The following LYN variants were observed in gnomAD, a reference collection of about 807,000 sequenced individuals.
LYN encodes LYN proto-oncogene, Src family tyrosine kinase, also known as tyrosine-protein kinase Lyn.
A neutral mutation model predicts 65.0 loss-of-function variants in LYN; 12 were observed. The ratio of observed to expected loss-of-function variants is 0.18; its 90% CI spans 0.12 to 0.30. The LOEUF is 0.30. Ranked by LOEUF, LYN falls within the 10% of genes least tolerant of loss-of-function variation. The pLI is 1.00. For synonymous variants in LYN, 222 were observed against 221.2 expected (o/e 1.00, Z -0.03); for missense variants, 380 against 623.2 (o/e 0.61, Z 4.16).
chr8:55,955,804 C>G (rs7829003), intron 8 of LYN, among the ~76,000 whole-genome samples: 31,956 of 152,074 alleles, frequency 0.21, 3,828 homozygotes, highest in African/African-American at 0.3. Context: ...CTTATTTCAC[C>G]TAGCATAATG....
chr8:55,942,227 A>G (rs1806631408), intron 2 of LYN, among the ~76,000 whole-genome samples: 1 of 151,506 alleles, frequency 6.6e-6, no homozygotes, highest in South Asian at 2.1e-4. Flanking sequence ...TTTTGTGTGA[A>G]GAAAGCCATC....
intron 1 of LYN, among the ~76,000 whole-genome samples, chr8:55,901,136 A>G (rs1306199660): frequency 3.3e-5 from 5 of 152,150 alleles, no homozygotes; most frequent in African/African-American, 1.2e-4. Flanking sequence ...TGTGTCTCAT[A>G]TGATGTTCAT....
chr8:55,902,644 G>T (rs137924908), intron 1 of LYN: 68 of 365,092 alleles, frequency 1.9e-4, no homozygotes, highest in African/African-American at 1.3e-3. Context: ...TGAGATAAGA[G>T]CTGAAAATTC....
intron 10 of LYN, among the ~76,000 whole-genome samples, chr8:55,995,761 A>G (rs1338865005): frequency 6.6e-6 from 1 of 152,018 alleles, no homozygotes; most frequent in African/African-American, 2.4e-5. Flanking sequence ...CGTGGTGAGG[A>G]GGTGGAGGGC....
At chr8:55,987,773 C>T (rs144848311) in intron 10 of LYN, among the ~76,000 whole-genome samples, 1 of 152,262 alleles carries the variant, frequency 6.6e-6, no homozygotes, top group Non-Finnish European at 1.5e-5. Context: ...AGAGCACAGA[C>T]TCTTAAGCCT....
Position 56,013,849 on chromosome 8 carries a change from T to G in LYN, c.*3739T>G, listed in dbSNP as rs1808879836. On this transcript the variant is annotated 3_prime_UTR_variant, in exon 13 of 13. Coordinates refer to ENST00000519728, the MANE Select transcript of LYN (RefSeq NM_002350.4). ...TCCTTTATTTTCCACTTCTGGCTGG[T>G]GGAAGAGAGATCGTAGTTCTCTATT... 1 of 152,242 alleles carries G rather than the reference T, an allele frequency of 6.6e-6. No individual in the cohort carries two copies. The highest frequency in any genetic ancestry group is 2.4e-5 in the African/African-American group (1 of 41,452). 9.4% of individuals were successfully genotyped at this position (152,242 alleles called of 1,614,324 possible).
At chr8:55,934,481 G>A (rs1806367274) in intron 1 of LYN, among the ~76,000 whole-genome samples, 1 of 152,174 alleles carries the variant, frequency 6.6e-6, no homozygotes, top group Non-Finnish European at 1.5e-5. Flanking sequence ...TCACCGGCCC[G>A]CTAAGATTTG....
chr8:55,978,526 G>A (rs190399310), intron 10 of LYN, among the ~76,000 whole-genome samples: 2 of 152,346 alleles, frequency 1.3e-5, no homozygotes, highest in East Asian at 3.9e-4. Flanking sequence ...TCTGGGGCTA[G>A]AGGCTTCAAG....
In LYN at chr8:55,927,360, T is replaced by C. The variant is rs913011588; in HGVS notation, c.-5-14495T>C. 2.0e-5 allele frequency among the ~76,000 whole-genome samples: 3 copies of C among 152,306 alleles called. No individual in the cohort carries two copies. The East Asian group carries it at 5.8e-4, about 29-fold the overall frequency. Reference sequence around the variant, plus strand: ...CACACAGTATGTAGCCTTTTCAGATTGGCTTCTTTCACTTAGTAATATGCA... The same window carrying C: ...CACACAGTATGTAGCCTTTTCAGATCGGCTTCTTTCACTTAGTAATATGCA... On this transcript the variant is annotated intron_variant, in intron 1 of 12. Transcript: ENST00000519728.
At chr8:55,998,582 A>G (rs1808437826) in intron 11 of LYN, 83 bp downstream of exon 11, 2 of 1,322,360 alleles carry the variant, frequency 1.5e-6, no homozygotes, top group East Asian at 4.7e-5. Flanking sequence ...CAATTACAAT[A>G]GTCACCATTA....
rs77931075 is a variant in LYN, at chr8:55,950,824, G to A, written c.487+40G>A. 1.8e-5 allele frequency: 25 copies of A among 1,403,292 alleles called. No individual in the cohort carries two copies. In the African/African-American group the frequency reaches 3.3e-4, roughly 18 times the overall value. The allele number at this position is 1,403,292 out of a possible 1,614,324, so 86.9% of individuals were successfully genotyped here. On this transcript the variant is annotated intron_variant, in intron 6 of 12. Transcript: ENST00000519728. ...AAAGCCTCTTTTAAAACACTATTTA[G>A]GAAATTATTTTTAGAAACTATTCTA...
rs1491438140 is a variant in LYN, at chr8:55,911,078, CAT to C, written c.-5-30775_-5-30774del. Reference sequence around the variant, plus strand: ...TGTCCGGCTAATTTATATATATATACATACATATATATATATATATACATACA... The same window carrying C: ...TGTCCGGCTAATTTATATATATATACACATATATATATATATATACATACA... On this transcript the variant is annotated intron_variant, in intron 1 of 12. Transcript: ENST00000519728. 1.1e-3 allele frequency among the ~76,000 whole-genome samples: 6 copies of C among 5,704 alleles called. 1 individual carries two copies. Among genetic ancestry groups the C allele is most frequent in the Non-Finnish European group, 1.6e-3 (6 of 3,714 alleles). 3.7% of individuals were successfully genotyped at this position (5,704 alleles called of 152,430 possible).
chr8:55,933,478 C>T (rs1156741296), intron 1 of LYN, among the ~76,000 whole-genome samples: 5 of 152,282 alleles, frequency 3.3e-5, no homozygotes, highest in Non-Finnish European at 7.4e-5. Context: ...TAATTTATTC[C>T]AAGAAGTGGT....
At chr8:55,951,708 A>G (rs1480840365) in intron 6 of LYN, among the ~76,000 whole-genome samples, 3 of 152,010 alleles carry the variant, frequency 2.0e-5, no homozygotes, top group Non-Finnish European at 4.4e-5. Context: ...AAAAATTTAA[A>G]TGTAGCTAAA....
intron 8 of LYN, among the ~76,000 whole-genome samples, chr8:55,956,275 G>T (rs922821788): frequency 5.9e-5 from 9 of 151,862 alleles, no homozygotes; most frequent in African/African-American, 2.2e-4. Context: ...TTTTATATAC[G>T]TACACATACA....
intron 1 of LYN, among the ~76,000 whole-genome samples, chr8:55,923,050 C>T (rs1326930533): frequency 6.6e-6 from 1 of 152,014 alleles, no homozygotes; most frequent in African/African-American, 2.4e-5. Context: ...GAGGGTGGAC[C>T]TAATGAGTAA....
Position 55,883,738 on chromosome 8 carries a change from C to T in LYN, c.-6+3635C>T, listed in dbSNP as rs143756160. Among the ~76,000 whole-genome samples, 28 of 152,292 alleles carry T rather than the reference C, an allele frequency of 1.8e-4. 1 individual carries two copies. In the East Asian group the frequency reaches 5.2e-3, roughly 28 times the overall value. ...GCTCATAGGACGCACATTAAAACAC[C>T]TGATCATTTTGAGCACCTGCTGTGT... On this transcript the variant is annotated intron_variant, in intron 1 of 12. Coordinates refer to ENST00000519728, the MANE Select transcript of LYN (RefSeq NM_002350.4).
intron 1 of LYN, among the ~76,000 whole-genome samples, chr8:55,883,503 C>A (rs775019989): frequency 2.0e-5 from 3 of 152,110 alleles, no homozygotes; most frequent in African/African-American, 7.2e-5. Context: ...TAAGATGACA[C>A]CTATACTGGC....
At chr8:55,880,593 A>T (rs1804624720) in intron 1 of LYN, among the ~76,000 whole-genome samples, 2 of 152,012 alleles carry the variant, frequency 1.3e-5, no homozygotes, top group African/African-American at 2.4e-5. Context: ...GCAGTGGGAG[A>T]TGGGGCTCGG....
Sources: allele counts gnomAD v4.1 joint callset (sites outside exome capture counted in the v4.1 genomes callset), GRCh38; gene constraint gnomAD v4.1.1; transcripts MANE v1.5; gene names NCBI Gene and HGNC (gene_info 2026-07-23, HGNC 2026-07-21).